Variants in CADPS2 observed in about 807,000 individuals in gnomAD.
CADPS2 encodes calcium-dependent secretion activator 2.
A neutral mutation model predicts 172.5 loss-of-function variants in CADPS2; 93 were observed. The ratio of observed to expected loss-of-function variants is 0.54; its 90% CI spans 0.46 to 0.64. CADPS2 has a LOEUF of 0.64. Among genes scored for constraint, CADPS2 ranks in the 30% least tolerant of loss-of-function variants. The pLI, the probability that CADPS2 is intolerant of heterozygous loss-of-function variation, is 0.00. For synonymous variants in CADPS2, 546 were observed against 555.2 expected (o/e 0.98, Z 0.23); for missense variants, 1,420 against 1,565.9 (o/e 0.91, Z 1.57).
chr7:122,661,077 C>T lies in CADPS2; in HGVS notation c.786+2160G>A, dbSNP rs188577257. Among the ~76,000 whole-genome samples the T allele has an allele frequency of 6.7e-3, 1,012 of 152,052 alleles. 3 individuals are homozygous for T. The highest frequency in any genetic ancestry group is 0.012 in the Non-Finnish European group (784 of 67,982). The stretch of plus-strand genomic sequence containing the variant: ...TATTAGCTTAAGACAATGTAGATTT[C>T]AGAAAAAGGAAAATAATCAGGGATA... On this transcript the variant is annotated intron_variant, in intron 3 of 29. Coordinates refer to ENST00000449022, the MANE Select transcript of CADPS2 (RefSeq NM_017954.11).
chr7:122,577,335 C>T (rs35786663), intron 7 of CADPS2, among the ~76,000 whole-genome samples: 2 of 152,146 alleles, frequency 1.3e-5, no homozygotes, highest in Non-Finnish European at 2.9e-5. Context: ...GTACCCCTTT[C>T]TGGCTGACAA....
intron 28 of CADPS2, among the ~76,000 whole-genome samples, chr7:122,334,256 T>A (rs2035486575): frequency 6.6e-6 from 1 of 152,098 alleles, no homozygotes. Flanking sequence ...AGTTCAGATG[T>A]TGATGTACTC....
intron 7 of CADPS2, among the ~76,000 whole-genome samples, chr7:122,569,165 T>C (rs980545178): frequency 6.6e-6 from 1 of 152,162 alleles, no homozygotes; most frequent in Admixed American, 6.6e-5. Flanking sequence ...CTTAAGCTGA[T>C]AAGCAACTTC....
chr7:122,590,976 T>A (rs1255760749), intron 6 of CADPS2, among the ~76,000 whole-genome samples: 3 of 151,980 alleles, frequency 2.0e-5, no homozygotes, highest in African/African-American at 7.2e-5. Flanking sequence ...CAATAATGTT[T>A]ATAGAAACTG....
chr7:122,754,943 T>C (rs2138525637), intron 1 of CADPS2, among the ~76,000 whole-genome samples: 1 of 152,322 alleles, frequency 6.6e-6, no homozygotes, highest in South Asian at 2.1e-4. Flanking sequence ...ATAGGAGAAC[T>C]TAATTTTTTT....
chr7:122,501,514 T>C (rs1458696555), intron 9 of CADPS2, among the ~76,000 whole-genome samples: 1 of 151,964 alleles, frequency 6.6e-6, no homozygotes, highest in African/African-American at 2.4e-5. Context: ...ACTCCAGCTT[T>C]CATGGATGAG....
At chr7:122,855,532 A>G (rs908088610) in intron 1 of CADPS2, among the ~76,000 whole-genome samples, 1 of 152,158 alleles carries the variant, frequency 6.6e-6, no homozygotes, top group Non-Finnish European at 1.5e-5. Flanking sequence ...GGATGGTAGG[A>G]TGTCATGGGG....
At chr7:122,731,946 T>C (rs1448400935) in intron 2 of CADPS2, among the ~76,000 whole-genome samples, 2 of 151,820 alleles carry the variant, frequency 1.3e-5, no homozygotes, top group African/African-American at 4.8e-5. Flanking sequence ...ACTTCTTTAT[T>C]ATTCTTGTTA....
At chr7:122,394,928 T>C (rs1333444230) in intron 20 of CADPS2, among the ~76,000 whole-genome samples, 3 of 152,192 alleles carry the variant, frequency 2.0e-5, no homozygotes, top group Non-Finnish European at 4.4e-5. Context: ...AGGATGATAA[T>C]GGCTTTGACT....
chr7:122,680,937 T>G (rs1466476893), intron 2 of CADPS2, among the ~76,000 whole-genome samples: 1 of 151,578 alleles, frequency 6.6e-6, no homozygotes, highest in African/African-American at 2.4e-5. Flanking sequence ...CACCATGGAA[T>G]ACTATGCAGC....
At chr7:122,812,011 G>T (rs1040624475) in intron 1 of CADPS2, among the ~76,000 whole-genome samples, 2 of 151,406 alleles carry the variant, frequency 1.3e-5, no homozygotes, top group Non-Finnish European at 2.9e-5. Context: ...CAGTTAATCT[G>T]GGAATTCACC....
chr7:122,705,443 ATAT>A (rs1037636538), intron 2 of CADPS2, among the ~76,000 whole-genome samples: 77 of 137,388 alleles, frequency 5.6e-4, no homozygotes, highest in African/African-American at 8.6e-4. Context: ...ATGTAATATA[ATAT>A]TATATATTAT....
intron 24 of CADPS2, 21 bp from the exon 25 acceptor site, chr7:122,379,463 A>G (rs1189173721): frequency 6.5e-7 from 1 of 1,529,968 alleles, no homozygotes; most frequent in Admixed American, 1.7e-5. Context: ...AAAGATAAAA[A>G]CTCATTAGTT....
intron 28 of CADPS2, among the ~76,000 whole-genome samples, chr7:122,341,037 T>G (rs1286471825): frequency 6.6e-6 from 1 of 152,220 alleles, no homozygotes; most frequent in Non-Finnish European, 1.5e-5. Context: ...AAACTTAGCA[T>G]GTGCCTCAGT....
intron 13 of CADPS2, 145 bp downstream of exon 13, chr7:122,474,236 C>A: frequency 1.2e-6 from 1 of 845,224 alleles, no homozygotes; most frequent in Non-Finnish European, 1.8e-6. Context: ...ATCCCTCACT[C>A]CCACTACCCT....
intron 25 of CADPS2, among the ~76,000 whole-genome samples, chr7:122,366,307 TA>T (rs1340750945): frequency 6.6e-6 from 1 of 151,172 alleles, no homozygotes; most frequent in Non-Finnish European, 1.5e-5. Flanking sequence ...TATATGATAA[TA>T]AAATAATACG....
chr7:122,469,551 G>A (rs759403016), intron 14 of CADPS2, among the ~76,000 whole-genome samples: 17 of 152,040 alleles, frequency 1.1e-4, no homozygotes, highest in Admixed American at 2.0e-4. Flanking sequence ...GTGAGATAGT[G>A]GGGAAAAAAC....
intron 3 of CADPS2, among the ~76,000 whole-genome samples, chr7:122,649,540 T>C (rs2078916891): frequency 6.6e-6 from 1 of 152,174 alleles, no homozygotes; most frequent in East Asian, 1.9e-4. Context: ...CACAGACCAT[T>C]TCACTTAGTC....
intron 8 of CADPS2, among the ~76,000 whole-genome samples, chr7:122,522,436 T>G (rs1297170951): frequency 6.6e-6 from 1 of 152,224 alleles, no homozygotes; most frequent in East Asian, 1.9e-4. Flanking sequence ...AAAAAAAATT[T>G]TACTGATATG....
Sources: allele counts gnomAD v4.1 joint callset (sites outside exome capture counted in the v4.1 genomes callset), GRCh38; gene constraint gnomAD v4.1.1; transcripts MANE v1.5; gene names NCBI Gene and HGNC (gene_info 2026-07-23, HGNC 2026-07-21).